Variants in KIF6 observed in about 807,000 individuals in gnomAD.
KIF6 encodes the protein kinesin family member 6.
In KIF6, 106 loss-of-function variants were observed where a neutral mutation model predicts 112.7. The ratio of observed to expected loss-of-function variants is 0.94; its 90% CI spans 0.80 to 1.11. The LOEUF (loss-of-function observed/expected upper bound fraction) is 1.11, where lower values mean the gene tolerates loss of function less well. Ranked by LOEUF, KIF6 falls within the 50% of genes least tolerant of loss-of-function variation. The pLI is 0.00. For synonymous variants in KIF6, 339 were observed against 339.9 expected, an observed-to-expected ratio of 1.00 and a Z score of 0.03; for missense variants, 929 against 964.0, an observed-to-expected ratio of 0.96 and a Z score of 0.48.
At chr6:39,414,473 T>C (rs765673954) in intron 15 of KIF6, among the ~76,000 whole-genome samples, 3 of 152,218 alleles carry the variant, frequency 2.0e-5, no homozygotes, top group Non-Finnish European at 4.4e-5. Context: ...GGGACCTTTG[T>C]GCAAACTAGA....
At chr6:39,670,309 C>T (rs1372013019) in intron 3 of KIF6, among the ~76,000 whole-genome samples, 1 of 152,154 alleles carries the variant, frequency 6.6e-6, no homozygotes, top group Non-Finnish European at 1.5e-5. Context: ...TTGAATGATG[C>T]AGTCAAAGAT....
rs557804754 is a variant in KIF6, at chr6:39,550,880, G to A, written c.1182-5192C>T. On this transcript the variant is annotated intron_variant, in intron 10 of 22. Transcript: ENST00000287152. ...GCTACATATTACCTGAGCAAAGATC[G>A]GGAAAAGAATGGGAGATAGTGACAA... Among the ~76,000 whole-genome samples, 162 of 152,244 alleles carry A rather than the reference G, an allele frequency of 1.1e-3. 3 individuals are homozygous for A. Among genetic ancestry groups the A allele is most frequent in the South Asian group, 7.5e-3 (36 of 4,808 alleles).
At chr6:39,506,517 A>G (rs1211080443) in intron 13 of KIF6, among the ~76,000 whole-genome samples, 1 of 152,170 alleles carries the variant, frequency 6.6e-6, no homozygotes, top group Non-Finnish European at 1.5e-5. Flanking sequence ...TTTAAATAAA[A>G]GTTGGAAAGT....
intron 10 of KIF6, among the ~76,000 whole-genome samples, chr6:39,555,953 CAAAAAAA>C (rs35420944): frequency 1.3e-5 from 1 of 77,720 alleles, no homozygotes; most frequent in Non-Finnish European, 2.5e-5. Flanking sequence ...GACGCTGTCT[CAAAAAAA>C]AAAAAAAAAA....
chr6:39,572,288 T>C (rs1050943094), intron 10 of KIF6, among the ~76,000 whole-genome samples: 2 of 152,234 alleles, frequency 1.3e-5, no homozygotes, highest in African/African-American at 2.4e-5. Context: ...TATATACATA[T>C]ACATGTGTAT....
At chr6:39,618,001 T>A (rs1238540423) in intron 5 of KIF6, among the ~76,000 whole-genome samples, 1 of 152,238 alleles carries the variant, frequency 6.6e-6, no homozygotes, top group Non-Finnish European at 1.5e-5. Context: ...AGCAGAGATG[T>A]AAAGTTTTAG....
intron 13 of KIF6, among the ~76,000 whole-genome samples, chr6:39,475,353 G>A (rs755657786): frequency 2.6e-5 from 4 of 152,134 alleles, no homozygotes; most frequent in East Asian, 1.9e-4. Context: ...TAAAACACAC[G>A]CAAACATACA....
intron 13 of KIF6, among the ~76,000 whole-genome samples, chr6:39,525,984 T>C (rs564668433): frequency 2.0e-5 from 3 of 152,298 alleles, no homozygotes; most frequent in African/African-American, 7.2e-5. Context: ...TGCTCATTTG[T>C]TTTGTTGAAA....
intron 5 of KIF6, among the ~76,000 whole-genome samples, chr6:39,630,257 C>G (rs1362765695): frequency 2.0e-5 from 3 of 151,984 alleles, no homozygotes; most frequent in African/African-American, 7.2e-5. Flanking sequence ...TTGATCTATA[C>G]TTTATCTACA....
chr6:39,367,491 G>A (rs1034244483), intron 16 of KIF6, among the ~76,000 whole-genome samples: 3 of 152,172 alleles, frequency 2.0e-5, no homozygotes, highest in Admixed American at 2.0e-4. Context: ...CAGTACAAAA[G>A]CAAGAGAAGG....
At chr6:39,476,761 G>A (rs72850675) in intron 13 of KIF6, among the ~76,000 whole-genome samples, 2,281 of 152,158 alleles carry the variant, frequency 0.015, 15 homozygotes, top group Non-Finnish European at 0.023. Flanking sequence ...ATTTCATGTG[G>A]GATTCTCCAC....
At chr6:39,571,212 C>T (rs1388344840) in intron 10 of KIF6, among the ~76,000 whole-genome samples, 1 of 152,122 alleles carries the variant, frequency 6.6e-6, no homozygotes, top group Non-Finnish European at 1.5e-5. Flanking sequence ...GAAACCATCA[C>T]TTCTATTGAT....
At chr6:39,535,949 G>T (rs1240675780) in intron 13 of KIF6, among the ~76,000 whole-genome samples, 1 of 152,048 alleles carries the variant, frequency 6.6e-6, no homozygotes, top group Non-Finnish European at 1.5e-5. Context: ...TGAACAATCT[G>T]CTCCTGAATG....
intron 3 of KIF6, among the ~76,000 whole-genome samples, chr6:39,679,432 A>T (rs529927421): frequency 6.6e-6 from 1 of 152,204 alleles, no homozygotes; most frequent in South Asian, 2.1e-4. Flanking sequence ...AAGAAAAGTT[A>T]ACAGAGGAGT....
intron 4 of KIF6, 89 bp from the exon 5 acceptor site, chr6:39,635,047 C>T: frequency 1.4e-6 from 1 of 723,548 alleles, no homozygotes; most frequent in East Asian, 2.6e-5. Flanking sequence ...TCAGTTTCCT[C>T]ATAGTTTCTC....
At chr6:39,709,722 A>G (rs1403240870) in intron 3 of KIF6, among the ~76,000 whole-genome samples, 1 of 152,206 alleles carries the variant, frequency 6.6e-6, no homozygotes, top group Non-Finnish European at 1.5e-5. Context: ...TTAAGTTACC[A>G]TGTGTTAACC....
intron 13 of KIF6, among the ~76,000 whole-genome samples, chr6:39,511,347 G>A (rs896623197): frequency 3.3e-5 from 5 of 152,120 alleles, no homozygotes; most frequent in Non-Finnish European, 5.9e-5. Flanking sequence ...AAAAATGCTC[G>A]TCATTACTGG....
chr6:39,353,984 C>T (rs905650102), intron 19 of KIF6: 3 of 446,328 alleles, frequency 6.7e-6, no homozygotes, highest in African/African-American at 6.1e-5. Flanking sequence ...CATTGCATGG[C>T]CTCTGTTTTC....
At chr6:39,545,713 G>T in intron 10 of KIF6, 25 bp from the exon 11 acceptor site, 1 of 1,412,850 alleles carries the variant, frequency 7.1e-7, no homozygotes. Context: ...TGTATGAGAA[G>T]CAACTGTGAG....
Sources: allele counts gnomAD v4.1 joint callset (sites outside exome capture counted in the v4.1 genomes callset), GRCh38; gene constraint gnomAD v4.1.1; transcripts MANE v1.5; gene names NCBI Gene and HGNC (gene_info 2026-07-23, HGNC 2026-07-21).